The following CHD1L variants were observed in gnomAD, a reference collection of about 807,000 sequenced individuals.
The protein encoded by CHD1L is ATP-dependent chromatin remodeler CHD1L.
CHD1L carries 118 observed loss-of-function variants against 115.9 expected under a neutral mutation model. The observed-to-expected ratio is 1.02, with a 90% CI of 0.88 to 1.19. CHD1L has a LOEUF of 1.19. Among genes scored for constraint, CHD1L ranks in the 50% most tolerant of loss-of-function variants. The pLI, the probability that CHD1L is intolerant of heterozygous loss-of-function variation, is 0.00. For synonymous variants in CHD1L, 411 were observed against 387.1 expected (o/e 1.06, Z -0.72); for missense variants, 1,179 against 1,065.3 (o/e 1.11, Z -1.49).
At chr1:147,288,934 A>G (rs955700384) in intron 19 of CHD1L, among the ~76,000 whole-genome samples, 2 of 152,118 alleles carry the variant, frequency 1.3e-5, no homozygotes, top group South Asian at 2.1e-4. Flanking sequence ...GAATAAAATT[A>G]TTATTGTGGT....
the CHD1L span, among the ~76,000 whole-genome samples, chr1:147,197,626 C>G: frequency 6.6e-6 from 1 of 152,136 alleles, no homozygotes; most frequent in Non-Finnish European, 1.5e-5. Flanking sequence ...CACTCATTCT[C>G]TCTCCTGCCA....
chr1:147,274,897 G>T (rs1677732583), intron 12 of CHD1L, among the ~76,000 whole-genome samples: 1 of 152,118 alleles, frequency 6.6e-6, no homozygotes, highest in Non-Finnish European at 1.5e-5. Context: ...TTTTATCAGA[G>T]ATCTTGCTAC....
the CHD1L span, among the ~76,000 whole-genome samples, chr1:147,195,216 C>T: frequency 1.3e-4 from 20 of 152,174 alleles, no homozygotes; most frequent in Non-Finnish European, 2.4e-4. Flanking sequence ...TCTTTTTATT[C>T]TTTTTTCTCT....
chr1:147,294,931 C>T (rs1172047462), intron 22 of CHD1L, among the ~76,000 whole-genome samples: 1 of 152,106 alleles, frequency 6.6e-6, no homozygotes, highest in East Asian at 1.9e-4. Flanking sequence ...ATTCCTGAAC[C>T]TTTTTGATGT....
At chr1:147,246,210 A>G (rs1666569002) in intron 1 of CHD1L, among the ~76,000 whole-genome samples, 1 of 152,194 alleles carries the variant, frequency 6.6e-6, no homozygotes, top group Non-Finnish European at 1.5e-5. Flanking sequence ...AGATTCATCC[A>G]GGTCGTTGCA....
the CHD1L span, chr1:147,178,152 G>A: frequency 2.5e-6 from 4 of 1,608,014 alleles, no homozygotes; most frequent in Middle Eastern, 5.0e-4. Flanking sequence ...CGGGCGTGGC[G>A]CTGCTTCTCG....
At chr1:147,212,068 C>G in the CHD1L span, among the ~76,000 whole-genome samples, 1 of 152,080 alleles carries the variant, frequency 6.6e-6, no homozygotes, top group African/African-American at 2.4e-5. Flanking sequence ...AACAACCTCT[C>G]CCAGCAATTA....
At chr1:147,213,573 C>T in the CHD1L span, 1 of 937,248 alleles carries the variant, frequency 1.1e-6, no homozygotes, top group Non-Finnish European at 1.5e-6. Flanking sequence ...CATAATAGGA[C>T]CCATGCAGGG....
the CHD1L span, chr1:147,203,244 C>G: frequency 8.4e-7 from 1 of 1,190,750 alleles, no homozygotes; most frequent in South Asian, 1.3e-5. Flanking sequence ...ACAAATACAG[C>G]CTTCACCTAC....
the CHD1L span, among the ~76,000 whole-genome samples, chr1:147,192,395 C>T: frequency 6.6e-6 from 1 of 152,112 alleles, no homozygotes; most frequent in African/African-American, 2.4e-5. Flanking sequence ...TGCTCATCAG[C>T]TTAAGGAGAT....
At position 147,276,274 on chromosome 1, in the gene CHD1L, T is replaced by C. The variant is rs587707653; in HGVS notation, c.1539+17T>C. The C allele has an allele frequency of 3.1e-6, 5 of 1,613,750 alleles. No homozygotes were observed. In the South Asian group the frequency reaches 3.3e-5, roughly 11 times the overall value. ...GACCTCCAGGTATGATATGATATAC[T>C]GTTCTTCACTTTGGAATATACCAAT... On this transcript the variant is annotated intron_variant, in intron 14 of 22. Transcript: ENST00000369258.
the CHD1L span, among the ~76,000 whole-genome samples, chr1:147,181,035 G>A: frequency 5.3e-5 from 8 of 152,290 alleles, no homozygotes; most frequent in African/African-American, 1.9e-4. Flanking sequence ...GTGCAGAAAG[G>A]AGTTTGCTGA....
At chr1:147,280,586 A>G (rs1420265067) in intron 15 of CHD1L, among the ~76,000 whole-genome samples, 2 of 152,206 alleles carry the variant, frequency 1.3e-5, no homozygotes, top group African/African-American at 4.8e-5. Flanking sequence ...TTAAAATTGC[A>G]GCTAACATTA....
chr1:147,288,322 C>CAGAAAA (rs1452486110), intron 19 of CHD1L, among the ~76,000 whole-genome samples: 1 of 87,894 alleles, frequency 1.1e-5, no homozygotes, highest in Non-Finnish European at 2.1e-5. Context: ...GACCCTGTTT[C>CAGAAAA]AATAAAAAAA....
intron 4 of CHD1L, 120 bp from the exon 5 acceptor site, chr1:147,256,411 T>G: frequency 1.1e-6 from 1 of 871,668 alleles, no homozygotes; most frequent in Non-Finnish European, 1.8e-6. Flanking sequence ...TTTTTTTTAC[T>G]TAGTGAACAA....
rs1359283670 is a variant in CHD1L at position 147,291,570 on chromosome 1, C to A, written c.2391+18C>A. On this transcript the variant is annotated intron_variant, in intron 20 of 22. Coordinates refer to ENST00000369258, the MANE Select transcript of CHD1L (RefSeq NM_004284.6). ...AAGATTTGGTAAGTAAAACCCATCTCTTCTCAGAACTACAAGTGGACTCAC... is the reference window on the plus strand; with the variant it reads ...AAGATTTGGTAAGTAAAACCCATCTATTCTCAGAACTACAAGTGGACTCAC... The A allele has an allele frequency of 6.3e-7, 1 of 1,596,276 alleles. No homozygotes were observed. Among genetic ancestry groups the A allele is most frequent in the African/African-American group, 1.3e-5 (1 of 74,618 alleles).
In CHD1L at chr1:147,255,863, G is replaced by A. The variant is rs781957384; in HGVS notation, c.398G>A (p.Arg133Lys). The change falls in exon 4 of 23, where the codon AGA (arginine) becomes AAA (lysine). Residue 133 changes from arginine to lysine, a missense_variant. Physicochemically the swap from Arg to Lys is conservative, Grantham distance 26. Transcript: ENST00000369258. ...ACATATGCAGGCGACAAGGAGGAAA[G>A]AGCCTGCCTTCAGCAAGACCTGAAA... ...CVTYAGDKEE[R>K]ACLQQDLKQE... is the part of the protein sequence containing the mutation. 8 of 1,613,808 alleles carry A rather than the reference G, an allele frequency of 5.0e-6. No individual in the cohort carries two copies. The highest frequency in any genetic ancestry group is 1.7e-5 in the Admixed American group (1 of 59,986).
chr1:147,256,048 C>T (rs1177421192), intron 4 of CHD1L, 121 bp downstream of exon 4: 4 of 564,802 alleles, frequency 7.1e-6, no homozygotes, highest in Non-Finnish European at 1.2e-5. Context: ...GGGAGTCTAC[C>T]TTCATCAGAT....
chr1:147,253,764 C>T (rs912552377), intron 2 of CHD1L, among the ~76,000 whole-genome samples: 2 of 152,242 alleles, frequency 1.3e-5, no homozygotes, highest in African/African-American at 2.4e-5. Context: ...TCCCAAAGTG[C>T]TGGGATTACA....
Sources: gnomAD v4.1 joint callset for allele counts (sites outside exome capture counted in the v4.1 genomes callset) on GRCh38, gnomAD v4.1.1 for gene constraint, MANE v1.5 for transcripts, NCBI Gene and HGNC (gene_info 2026-07-23, HGNC 2026-07-21) for gene names.